ANO10: variants seen among roughly 807,000 people sequenced by gnomAD.
ANO10 encodes anoctamin-10.
A neutral mutation model predicts 74.7 loss-of-function variants in ANO10; 77 were observed. That is an observed-to-expected ratio of 1.03 (90% CI 0.86 to 1.25). The LOEUF (loss-of-function observed/expected upper bound fraction) is 1.25. ANO10 is among the 50% of genes most tolerant of loss of function. The probability of loss-of-function intolerance (pLI) is 0.00; values close to 1 mark genes in which losing one functional copy is unlikely to be tolerated. For synonymous variants in ANO10, 279 were observed against 284.9 expected, an observed-to-expected ratio of 0.98 and a Z score of 0.21; for missense variants, 721 against 778.1, an observed-to-expected ratio of 0.93 and a Z score of 0.87.
chr3:43,542,906 A>C (rs1344723311), intron 11 of ANO10, among the ~76,000 whole-genome samples: 1 of 152,188 alleles, frequency 6.6e-6, no homozygotes, highest in Non-Finnish European at 1.5e-5. Context: ...AGTGGTAACA[A>C]GACCTGCAAA....
intron 1 of ANO10, among the ~76,000 whole-genome samples, chr3:43,661,822 A>C (rs760421738): frequency 2.0e-5 from 3 of 152,244 alleles, no homozygotes; most frequent in Non-Finnish European, 2.9e-5. Context: ...CCATTACATA[A>C]AGGCAAAGGA....
chr3:43,434,848 A>G (rs1291432431), intron 11 of ANO10, among the ~76,000 whole-genome samples: 6 of 152,220 alleles, frequency 3.9e-5, no homozygotes, highest in Admixed American at 3.9e-4. Context: ...AAAAGTTGGT[A>G]TTGATTAGAC....
intron 1 of ANO10, among the ~76,000 whole-genome samples, chr3:43,686,941 T>C (rs2084282972): frequency 6.6e-6 from 1 of 151,918 alleles, no homozygotes; most frequent in Admixed American, 6.5e-5. Flanking sequence ...GAATCTACAA[T>C]TCAACATGAT....
chr3:43,448,277 C>A (rs910127788), intron 11 of ANO10, among the ~76,000 whole-genome samples: 2 of 152,182 alleles, frequency 1.3e-5, no homozygotes, highest in Non-Finnish European at 2.9e-5. Flanking sequence ...ATTACAGTAT[C>A]ATACATGATA....
chr3:43,417,061 G>A lies in ANO10; in HGVS notation c.1914+15550C>T, dbSNP rs2092750269. ...CTTCACATAGTGATACAGGAGTTAAGAAGAAATTACTTAGGCAGATAGGGT... is the reference window on the plus strand; with the variant it reads ...CTTCACATAGTGATACAGGAGTTAAAAAGAAATTACTTAGGCAGATAGGGT... On this transcript the variant is annotated intron_variant, in intron 12 of 12. Coordinates refer to ENST00000292246, the MANE Select transcript of ANO10 (RefSeq NM_018075.5). 2.6e-5 allele frequency among the ~76,000 whole-genome samples: 4 copies of A among 152,224 alleles called. No homozygotes were observed. The South Asian group carries it at 8.3e-4, about 31-fold the overall frequency.
intron 1 of ANO10, among the ~76,000 whole-genome samples, chr3:43,643,667 C>G (rs2083694463): frequency 6.8e-6 from 1 of 146,400 alleles, no homozygotes; most frequent in South Asian, 2.1e-4. Flanking sequence ...TTTTCATGTA[C>G]TTGTCCTCAT....
At chr3:43,459,907 G>C (rs1026888) in intron 11 of ANO10, among the ~76,000 whole-genome samples, 21,070 of 152,084 alleles carry the variant, frequency 0.14, 1,807 homozygotes, top group African/African-American at 0.23. Flanking sequence ...TCACAAACCA[G>C]TAAATGGCAG....
In ANO10 at chr3:43,449,751, T is replaced by C. The variant is rs540362295; in HGVS notation, c.1798-17024A>G. 1.8e-3 allele frequency among the ~76,000 whole-genome samples: 275 copies of C among 152,304 alleles called. 1 individual carries two copies. The highest frequency in any genetic ancestry group is 6.3e-3 in the African/African-American group (261 of 41,566). On this transcript the variant is annotated intron_variant, in intron 11 of 12. Transcript: ENST00000292246. ...CAGTCCTCTTTGTTTTTCTTCAGCA[T>C]TGTGTTGGCTATTTTGGGTCTTTTG...
chr3:43,462,211 G>A (rs1575916587), intron 11 of ANO10, among the ~76,000 whole-genome samples: 1 of 152,284 alleles, frequency 6.6e-6, no homozygotes, highest in East Asian at 1.9e-4. Context: ...CTTGGGTGCT[G>A]TTGAAAGCAT....
intron 12 of ANO10, among the ~76,000 whole-genome samples, chr3:43,398,945 C>T (rs2092431234): frequency 1.3e-5 from 2 of 152,212 alleles, no homozygotes; most frequent in African/African-American, 2.4e-5. Context: ...CCTCCCACCT[C>T]AGTCTCCCAA....
intron 12 of ANO10, among the ~76,000 whole-genome samples, chr3:43,409,389 T>C (rs550263622): frequency 6.6e-6 from 1 of 151,740 alleles, no homozygotes; most frequent in African/African-American, 2.4e-5. Flanking sequence ...CTCTAGAAAA[T>C]ATAGAAAAAT....
At chr3:43,457,666 C>T (rs1249049580) in intron 11 of ANO10, among the ~76,000 whole-genome samples, 1 of 152,142 alleles carries the variant, frequency 6.6e-6, no homozygotes, top group African/African-American at 2.4e-5. Flanking sequence ...AGAGCCAAAC[C>T]TGCTTTACTT....
intron 12 of ANO10, among the ~76,000 whole-genome samples, chr3:43,390,743 G>A (rs2092254924): frequency 6.6e-6 from 1 of 152,116 alleles, no homozygotes; most frequent in African/African-American, 2.4e-5. Context: ...TTCTGCCCTT[G>A]GCTTCAAAAT....
intron 1 of ANO10, among the ~76,000 whole-genome samples, chr3:43,607,312 G>A (rs1047456344): frequency 6.6e-6 from 1 of 151,246 alleles, no homozygotes; most frequent in African/African-American, 2.4e-5. Flanking sequence ...GACCAGCCTG[G>A]GCAACATAGC....
chr3:43,461,050 T>C (rs1575910185), intron 11 of ANO10, among the ~76,000 whole-genome samples: 1 of 147,488 alleles, frequency 6.8e-6, no homozygotes, highest in Admixed American at 6.7e-5. Context: ...ATCAGTAAAA[T>C]AGAAATCAAT....
At chr3:43,459,643 G>C (rs1000728696) in intron 11 of ANO10, among the ~76,000 whole-genome samples, 1 of 152,200 alleles carries the variant, frequency 6.6e-6, no homozygotes, top group Non-Finnish European at 1.5e-5. Context: ...CACTGGCCCA[G>C]AGCTAGTGAG....
At chr3:43,660,107 G>T (rs1471934540) in intron 1 of ANO10, among the ~76,000 whole-genome samples, 6 of 152,160 alleles carry the variant, frequency 3.9e-5, no homozygotes, top group Non-Finnish European at 8.8e-5. Context: ...CAACATCAAA[G>T]ATCAAAGGTA....
At chr3:43,626,661 G>A (rs1269246058), upstream of ANO10, among the ~76,000 whole-genome samples, 1 of 152,150 alleles carries the variant, frequency 6.6e-6, no homozygotes, top group Non-Finnish European at 1.5e-5. Context: ...GGTAAATGGA[G>A]TGGATCCAAC....
At chr3:43,562,602 A>G (rs769862524) in intron 8 of ANO10, among the ~76,000 whole-genome samples, 3 of 151,792 alleles carry the variant, frequency 2.0e-5, no homozygotes, top group Non-Finnish European at 4.4e-5. Flanking sequence ...AAACGCTTGA[A>G]CCTAGGAGGT....
Sources: allele counts gnomAD v4.1 joint callset (sites outside exome capture counted in the v4.1 genomes callset), GRCh38; gene constraint gnomAD v4.1.1; transcripts MANE v1.5; gene names NCBI Gene and HGNC (gene_info 2026-07-23, HGNC 2026-07-21).